Variants in PRKCD observed in about 807,000 individuals in gnomAD.
PRKCD encodes the protein protein kinase C delta type.
In PRKCD, 20 loss-of-function variants were observed where a neutral mutation model predicts 82.2. The ratio of observed to expected loss-of-function variants is 0.24; its 90% confidence interval spans 0.17 to 0.35. PRKCD has a LOEUF of 0.35. Ranked by LOEUF, PRKCD falls within the 10% of genes least tolerant of loss-of-function variation. PRKCD has a pLI of 1.00. For synonymous variants in PRKCD, 317 were observed against 337.0 expected (o/e 0.94, Z 0.65); for missense variants, 607 against 899.0 (o/e 0.68, Z 4.15).
chr3:53,190,768 G>C (rs1328462332), intron 18 of PRKCD, among the ~76,000 whole-genome samples: 2 of 152,138 alleles, frequency 1.3e-5, no homozygotes, highest in Admixed American at 1.3e-4. Flanking sequence ...GTTCCCACTG[G>C]GCAGCCTGTG....
chr3:53,175,404 T>C (rs528339279), intron 2 of PRKCD, among the ~76,000 whole-genome samples: 1 of 152,224 alleles, frequency 6.6e-6, no homozygotes, highest in South Asian at 2.1e-4. Flanking sequence ...GTTGGGTTGA[T>C]TGTAGCCCTT....
At chr3:53,189,819 G>T in intron 17 of PRKCD, 54 bp from the exon 18 acceptor site, 2 of 1,608,820 alleles carry the variant, frequency 1.2e-6, no homozygotes, top group Non-Finnish European at 1.7e-6. Context: ...ATTTGCTGAA[G>T]CTCCAATTTC....
intron 2 of PRKCD, among the ~76,000 whole-genome samples, chr3:53,170,058 T>C (rs552797601): frequency 6.6e-6 from 1 of 152,334 alleles, no homozygotes; most frequent in East Asian, 1.9e-4. Flanking sequence ...TGGGGATGAC[T>C]GGCAAAAGGG....
intron 15 of PRKCD, among the ~76,000 whole-genome samples, chr3:53,188,444 A>T (rs1553669864): frequency 6.6e-6 from 1 of 152,182 alleles, no homozygotes; most frequent in African/African-American, 2.4e-5. Context: ...GCTGACTGCT[A>T]GGGGACCCTG....
chr3:53,187,875 T>A (rs1703767106), intron 15 of PRKCD, among the ~76,000 whole-genome samples: 1 of 152,136 alleles, frequency 6.6e-6, no homozygotes, highest in Admixed American at 6.5e-5. Flanking sequence ...TATCGAATAT[T>A]AGCATTCAGC....
Position 53,183,163 on chromosome 3 carries a change from TC to T in PRKCD, c.615del (p.Ile205MetfsTer35). On this transcript the variant is annotated frameshift_variant, in exon 8 of 19. Transcript: ENST00000330452. LOFTEE classifies it high-confidence loss of function. ...CACAAGAAATGCATCGACAAGATCA[TC>T]GGCAGATGCACTGGCACCGCGGCCA... The part of the protein sequence containing the change: ...AIHKKCIDKI[I>X]GRCTGTAANS... 1 of 1,614,156 alleles carries T rather than the reference TC, an allele frequency of 6.2e-7. No homozygotes were observed. The highest frequency in any genetic ancestry group is 8.5e-7 in the Non-Finnish European group (1 of 1,180,020).
Position 53,188,214 on chromosome 3 carries a change from A to AAAAAAT in PRKCD, c.1416-506_1416-505insAAAAAT, listed in dbSNP as rs1575543848. ...AAAAAAAAAAAAAAAAAAAAAAAAA[A>AAAAAAT]GGTGGGAGCGAGCTGCATGCTGCCA... On this transcript the variant is annotated intron_variant, in intron 15 of 18. Transcript: ENST00000330452. 1.1e-4 allele frequency among the ~76,000 whole-genome samples: 17 copies of AAAAAAT among 148,908 alleles called. 1 individual carries two copies. The East Asian group carries it at 2.8e-3, about 24-fold the overall frequency.
rs782310444 is a variant in PRKCD, at chr3:53,186,689, G to C, written c.1346G>C (p.Arg449Pro). Residue 449 changes from arginine to proline, a missense_variant, in exon 14 of 19, where the codon CGT (arginine) becomes CCT (proline). Physicochemically the swap from Arg to Pro is moderately radical, Grantham distance 103 (BLOSUM62 -2). Transcript: ENST00000330452. ...IQDKGRFELY[R>P]ATFYAAEIMC... ...GACAAAGGCCGCTTTGAACTCTACC[G>C]TGCCACGTACGTAAGGGCCATGGTG... 6.2e-7 allele frequency: 1 copy of C among 1,613,246 alleles called. No homozygotes were observed. Among genetic ancestry groups the C allele is most frequent in the East Asian group, 2.2e-5 (1 of 44,888 alleles).
rs541081023 is a variant in PRKCD at position 53,183,895 on chromosome 3, C to T, written c.787+314C>T. Among the ~76,000 whole-genome samples, 37 of 152,350 alleles carry T rather than the reference C, an allele frequency of 2.4e-4. No homozygotes were observed. The South Asian group carries it at 6.6e-3, about 27-fold the overall frequency. ...GCCAGGCCTGGTGCACACCGACAGGCGCCCAGACAGGCCTCCCCTGCCCTC... is the reference window on the plus strand; with the variant it reads ...GCCAGGCCTGGTGCACACCGACAGGTGCCCAGACAGGCCTCCCCTGCCCTC... On this transcript the variant is annotated intron_variant, in intron 9 of 18. Coordinates refer to ENST00000330452, the MANE Select transcript of PRKCD (RefSeq NM_006254.4).
At chr3:53,188,691 G>A (rs782383381) in intron 15 of PRKCD, 29 bp from the exon 16 acceptor site, 1 of 1,612,758 alleles carries the variant, frequency 6.2e-7, no homozygotes, top group Non-Finnish European at 8.5e-7. Context: ...AATGTCCCCT[G>A]CTGACTCTTA....
chr3:53,179,562 C>T lies in PRKCD; in HGVS notation c.116-15C>T, dbSNP rs782580770. 2 of 1,614,128 alleles carry T rather than the reference C, an allele frequency of 1.2e-6. No homozygotes were observed. Among genetic ancestry groups the T allele is most frequent in the Non-Finnish European group, 1.7e-6 (2 of 1,179,988 alleles). ...GGGGCCATGGCCCAACCTTCTCTGCCTGGCCTTGTTGCAGAGCGTGGGAAA... is the reference window on the plus strand; with the variant it reads ...GGGGCCATGGCCCAACCTTCTCTGCTTGGCCTTGTTGCAGAGCGTGGGAAA... On this transcript the variant is annotated splice_polypyrimidine_tract_variant and intron_variant, in intron 3 of 18. Coordinates refer to ENST00000330452, the MANE Select transcript of PRKCD (RefSeq NM_006254.4).
In PRKCD at chr3:53,187,340, G is replaced by T; in HGVS notation, c.1353G>T (p.Thr451=). The part of the protein sequence containing the change: ...DKGRFELYRA[T]FYAAEIMCGL... ...CACTTTATCCCTCTCTCTTGCCCAG[G>T]TTTTATGCCGCTGAGATAATGTGTG... The change falls in exon 15 of 19, where the codon ACG becomes ACT. Residue 451 remains threonine, a splice_region_variant and synonymous_variant. Coordinates refer to ENST00000330452, the MANE Select transcript of PRKCD (RefSeq NM_006254.4). 6.2e-7 allele frequency: 1 copy of T among 1,614,152 alleles called. No individual in the cohort carries two copies. Among genetic ancestry groups the T allele is most frequent in the Non-Finnish European group, 8.5e-7 (1 of 1,180,028 alleles).
Position 53,185,614 on chromosome 3 carries a change from G to A in PRKCD, c.899G>A (p.Arg300Gln), listed in dbSNP as rs143488209. The change falls in exon 11 of 19, where the codon CGG (arginine) becomes CAG (glutamine). Residue 300 changes from arginine (R) to glutamine (Q), a missense_variant. Around this residue, in one of 5 missense-constraint regions of PRKCD, gnomAD observed 85 missense variants for 76.1 expected, o/e 1.12. Coordinates refer to ENST00000330452, the MANE Select transcript of PRKCD (RefSeq NM_006254.4). Reference sequence around the variant, plus strand: ...CTGCTCCCTCCCCAGAGAGCCTCCCGGAGATCAGACTCAGCCTCCTCAGAG... The same window carrying A: ...CTGCTCCCTCCCCAGAGAGCCTCCCAGAGATCAGACTCAGCCTCCTCAGAG... ...ALNQVTQRAS[R>Q]RSDSASSEPV... is the part of the protein sequence containing the mutation. 67 of 1,613,474 alleles carry A rather than the reference G, an allele frequency of 4.2e-5. No individual in the cohort carries two copies. Among genetic ancestry groups the A allele is most frequent in the African/African-American group, 4.1e-4 (31 of 75,040 alleles).
At position 53,179,746 on chromosome 3, in the gene PRKCD, CAAG is replaced by C. The variant is rs1553666878; in HGVS notation, c.291_293del (p.Lys97del). The C allele has an allele frequency of 1.3e-6, 2 of 1,577,456 alleles. No individual in the cohort carries two copies. Among genetic ancestry groups the C allele is most frequent in the Non-Finnish European group, 1.7e-6 (2 of 1,160,018 alleles). On this transcript the variant is annotated inframe_deletion, in exon 4 of 19. Coordinates refer to ENST00000330452, the MANE Select transcript of PRKCD (RefSeq NM_006254.4). ...GTGTGTCGGTGCTGGCCGAGCGCTGCAAGAAGAACAATGGCAAGGCTGAGTTCT... is the reference window on the plus strand; with the variant it reads ...GTGTGTCGGTGCTGGCCGAGCGCTGCAAGAACAATGGCAAGGCTGAGTTCT...
chr3:53,173,508 G>A (rs1703110275), intron 2 of PRKCD: 2 of 152,228 alleles, frequency 1.3e-5, no homozygotes, highest in Non-Finnish European at 2.9e-5. Context: ...TTCAGACAGA[G>A]TGTCACTTTA....
chr3:53,182,081 G>A, intron 7 of PRKCD: 1 of 442,366 alleles, frequency 2.3e-6, no homozygotes, highest in Non-Finnish European at 4.5e-6. Context: ...GTGGCTGCAT[G>A]TGCTTCTGTG....
chr3:53,180,643 A>G (rs1176823835), intron 4 of PRKCD, among the ~76,000 whole-genome samples: 2 of 152,186 alleles, frequency 1.3e-5, no homozygotes, highest in African/African-American at 4.8e-5. Context: ...CCAGTCAGGC[A>G]GGGACACAGA....
In PRKCD at chr3:53,189,216, C is replaced by T. The variant is rs1184162690; in HGVS notation, c.1713C>T (p.Ile571=). The stretch of plus-strand genomic sequence containing the variant: ...ACACGCCACATTATCCCCGCTGGAT[C>T]ACCAAGGAGTCCAAGGACATCCTGG... ...RVDTPHYPRW[I]TKESKDILEK... is the part of the protein sequence containing the mutation. The change falls in exon 17 of 19, where the codon ATC becomes ATT. Residue 571 remains isoleucine, a synonymous_variant. Coordinates refer to ENST00000330452, the MANE Select transcript of PRKCD (RefSeq NM_006254.4). 6.2e-7 allele frequency: 1 copy of T among 1,612,744 alleles called. No individual in the cohort carries two copies. The highest frequency in any genetic ancestry group is 8.5e-7 in the Non-Finnish European group (1 of 1,179,340).
chr3:53,164,385 C>A (rs1702767464), intron 1 of PRKCD, among the ~76,000 whole-genome samples: 1 of 152,128 alleles, frequency 6.6e-6, no homozygotes, highest in Non-Finnish European at 1.5e-5. Context: ...GAATTTGAGA[C>A]CAGCCTGGCC....
Sources: gnomAD v4.1 joint callset for allele counts (sites outside exome capture counted in the v4.1 genomes callset) on GRCh38, gnomAD v4.1.1 for gene constraint, gnomAD v4.1.1 regional missense constraint, MANE v1.5 for transcripts, NCBI Gene and HGNC (gene_info 2026-07-23, HGNC 2026-07-21) for gene names.